The following CDH4 variants were observed in gnomAD, a reference collection of about 807,000 sequenced individuals.
CDH4 encodes cadherin 4.
A neutral mutation model predicts 86.0 loss-of-function variants in CDH4; 33 were observed. That is an observed-to-expected ratio of 0.38 (90% CI 0.29 to 0.51). The LOEUF is 0.51. CDH4 is among the 20% of genes least tolerant of loss of function. The probability of loss-of-function intolerance (pLI) is 0.86; values close to 1 mark genes in which losing one functional copy is unlikely to be tolerated. For missense variants in CDH4, 1,114 were observed against 1,307.4 expected (o/e 0.85, Z 2.28); for synonymous variants, 555 against 549.4 (o/e 1.01, Z -0.14).
At chr20:61,662,462 G>A (rs2087268768) in intron 2 of CDH4, among the ~76,000 whole-genome samples, 1 of 152,210 alleles carries the variant, frequency 6.6e-6, no homozygotes, top group Non-Finnish European at 1.5e-5. Context: ...GGAGGACGAG[G>A]GCGGCTGCCC....
At chr20:61,899,382 G>A (rs113879768) in intron 8 of CDH4, among the ~76,000 whole-genome samples, 3 of 151,930 alleles carry the variant, frequency 2.0e-5, no homozygotes, top group African/African-American at 7.3e-5. Flanking sequence ...TATGTCTTTT[G>A]TGAATGATCT....
chr20:61,730,838 G>A (rs1568782817), intron 2 of CDH4, among the ~76,000 whole-genome samples: 1 of 152,052 alleles, frequency 6.6e-6, no homozygotes. Context: ...TTGGTGCTGG[G>A]GGCAGGGCCT....
At chr20:61,593,666 T>C (rs546940091) in intron 2 of CDH4, among the ~76,000 whole-genome samples, 1 of 152,252 alleles carries the variant, frequency 6.6e-6, no homozygotes, top group Admixed American at 6.5e-5. Flanking sequence ...TTTTAAGACT[T>C]TTCACCAGTT....
Position 61,429,663 on chromosome 20 carries a change from GTGGGTGGATGGA to G in CDH4, c.169+174736_169+174747del, listed in dbSNP as rs1388638689. Among the ~76,000 whole-genome samples the G allele has an allele frequency of 9.1e-4, 137 of 151,136 alleles. 1 individual carries two copies. Among genetic ancestry groups the G allele is most frequent in the African/African-American group, 2.9e-3 (120 of 41,172 alleles). On this transcript the variant is annotated intron_variant, in intron 2 of 15. Coordinates refer to ENST00000614565, the MANE Select transcript of CDH4 (RefSeq NM_001794.5). ...GATGGGTGGGTATCTGGATGGATGG[GTGGGTGGATGGA>G]TGGGTGGATAGATGGGTGGATGGAT...
At chr20:61,876,118 G>T (rs755009493) in intron 7 of CDH4, among the ~76,000 whole-genome samples, 2 of 152,364 alleles carry the variant, frequency 1.3e-5, no homozygotes, top group Admixed American at 1.3e-4. Context: ...CACGGCTGCC[G>T]GCTGTGTCCA....
chr20:61,716,632 A>C (rs1284002108), intron 2 of CDH4, among the ~76,000 whole-genome samples: 3 of 152,202 alleles, frequency 2.0e-5, no homozygotes, highest in African/African-American at 4.8e-5. Flanking sequence ...AGGTTGGATC[A>C]AGTGTGGTGT....
intron 2 of CDH4, among the ~76,000 whole-genome samples, chr20:61,585,699 CAT>C (rs2086464217): frequency 3.9e-5 from 1 of 25,426 alleles, no homozygotes; most frequent in Non-Finnish European, 9.9e-5. Flanking sequence ...TGATTGTGGT[CAT>C]GTGGAGGATG....
chr20:61,776,827 TG>T (rs1184061898), intron 4 of CDH4, among the ~76,000 whole-genome samples: 1 of 152,222 alleles, frequency 6.6e-6, no homozygotes, highest in Non-Finnish European at 1.5e-5. Context: ...TACATGCCAC[TG>T]GCCAAAGCCC....
intron 2 of CDH4, among the ~76,000 whole-genome samples, chr20:61,484,873 G>C (rs964490542): frequency 6.6e-6 from 1 of 152,188 alleles, no homozygotes; most frequent in Non-Finnish European, 1.5e-5. Context: ...AATGACAGGG[G>C]CCAAACCCTG....
intron 4 of CDH4, among the ~76,000 whole-genome samples, chr20:61,834,998 C>T (rs571600896): frequency 3.3e-5 from 5 of 152,304 alleles, no homozygotes; most frequent in East Asian, 1.9e-4. Context: ...CGTCACAGAC[C>T]GGCTTCCTAA....
chr20:61,713,557 T>G (rs2087916187), intron 2 of CDH4, among the ~76,000 whole-genome samples: 1 of 152,262 alleles, frequency 6.6e-6, no homozygotes, highest in Non-Finnish European at 1.5e-5. Context: ...CCTCTGCTTA[T>G]GTAGCAGCAC....
At chr20:61,863,088 A>G (rs1238163663) in intron 6 of CDH4, among the ~76,000 whole-genome samples, 1 of 152,254 alleles carries the variant, frequency 6.6e-6, no homozygotes, top group African/African-American at 2.4e-5. Context: ...ATGGGGCTGA[A>G]TTAGTTTTCA....
intron 2 of CDH4, among the ~76,000 whole-genome samples, chr20:61,273,312 G>A (rs1476229270): frequency 2.2e-5 from 3 of 137,724 alleles, no homozygotes; most frequent in Non-Finnish European, 3.1e-5. Context: ...GCAGTTTGGG[G>A]GAATACCATG....
At chr20:61,295,944 A>G (rs1024719031) in intron 2 of CDH4, among the ~76,000 whole-genome samples, 11 of 152,300 alleles carry the variant, frequency 7.2e-5, no homozygotes, top group Non-Finnish European at 1.5e-4. Flanking sequence ...AGAAAGTGCC[A>G]TGGGTATCGC....
chr20:61,615,716 T>C (rs759600288), intron 2 of CDH4, among the ~76,000 whole-genome samples: 11 of 152,170 alleles, frequency 7.2e-5, no homozygotes, highest in Admixed American at 3.3e-4. Flanking sequence ...AATGTAGGGA[T>C]GCGAGGGTTA....
intron 4 of CDH4, among the ~76,000 whole-genome samples, chr20:61,817,181 A>G (rs62206302): frequency 0.41 from 62,617 of 152,192 alleles, 15,760 homozygotes; most frequent in Non-Finnish European, 0.57. Context: ...CAGCCCTGAT[A>G]CCTGAGTCTG....
intron 2 of CDH4, among the ~76,000 whole-genome samples, chr20:61,593,546 G>A (rs2086532744): frequency 1.3e-5 from 2 of 152,210 alleles, no homozygotes; most frequent in South Asian, 4.1e-4. Flanking sequence ...GTTTATCCCA[G>A]GGGCGTGCAG....
At chr20:61,495,748 T>C (rs1044669239) in intron 2 of CDH4, among the ~76,000 whole-genome samples, 1 of 151,132 alleles carries the variant, frequency 6.6e-6, no homozygotes, top group African/African-American at 2.4e-5. Context: ...ACTAAAAATA[T>C]AAAAATTAGC....
At chr20:61,329,440 G>GT (rs11086733) in intron 2 of CDH4, among the ~76,000 whole-genome samples, 507 of 8,172 alleles carry the variant, frequency 0.062, 4 homozygotes, top group African/African-American at 0.11. Flanking sequence ...GGTCCTCATG[G>GT]TCCCCCGTGG....
Sources: allele counts gnomAD v4.1 joint callset (sites outside exome capture counted in the v4.1 genomes callset), GRCh38; gene constraint gnomAD v4.1.1; transcripts MANE v1.5; gene names NCBI Gene and HGNC (gene_info 2026-07-23, HGNC 2026-07-21).